CHN2: variants seen among roughly 807,000 people sequenced by gnomAD.
CHN2 encodes the protein chimerin 2.
Under a neutral mutation model 56.3 loss-of-function variants are expected in CHN2, and 35 were observed. That is an observed-to-expected ratio of 0.62 (90% CI 0.47 to 0.82). The LOEUF (loss-of-function observed/expected upper bound fraction) is 0.82. CHN2 is among the 40% of genes least tolerant of loss of function. The pLI is 0.00. For missense variants in CHN2, 491 were observed against 580.5 expected (o/e 0.85, Z 1.58); for synonymous variants, 210 against 212.8 (o/e 0.99, Z 0.12).
At chr7:29,275,998 C>T (rs965567391) in intron 1 of CHN2, among the ~76,000 whole-genome samples, 2 of 151,984 alleles carry the variant, frequency 1.3e-5, no homozygotes, top group African/African-American at 2.4e-5. Context: ...GCCCAAACCC[C>T]GCATTACCCA....
chr7:29,149,755 CT>C (rs1227395001), intron 2 of CHN2, among the ~76,000 whole-genome samples: 2 of 152,104 alleles, frequency 1.3e-5, no homozygotes, highest in African/African-American at 4.8e-5. Flanking sequence ...TGTTCCTTGG[CT>C]TGTGGCAGCA....
chr7:29,427,605 C>G (rs1322762342), intron 6 of CHN2, among the ~76,000 whole-genome samples: 2 of 150,642 alleles, frequency 1.3e-5, no homozygotes, highest in Non-Finnish European at 1.5e-5. Flanking sequence ...GGTTGCTACT[C>G]ATATATCTGT....
chr7:29,147,048 C>A lies in CHN2; in HGVS notation c.274+88C>A, dbSNP rs1584409412. On this transcript the variant is annotated intron_variant, in intron 2 of 6. Coordinates refer to the CHN2 transcript ENST00000439384. ...TCAGAGCCACCTGATGTGTTCTGTA[C>A]CATTATACCCATTTTGCAATTGGGG... is the stretch of plus-strand genomic sequence containing the variant. 4 of 1,501,904 alleles carry A rather than the reference C, an allele frequency of 2.7e-6. No individual in the cohort carries two copies. The East Asian group carries it at 7.4e-5, about 28-fold the overall frequency. 93.0% of individuals were successfully genotyped at this position (1,501,904 alleles called of 1,614,324 possible). A position where few individuals can be genotyped will look rare whatever the true frequency, so the allele number is the denominator to read the frequency against.
At chr7:29,391,067 T>TCC (rs995951018) in intron 3 of CHN2, among the ~76,000 whole-genome samples, 8 of 151,810 alleles carry the variant, frequency 5.3e-5, no homozygotes, top group African/African-American at 1.9e-4. Context: ...GATCCCAGCC[T>TCC]CTCTCTCTCT....
intron 1 of CHN2, among the ~76,000 whole-genome samples, chr7:29,325,041 G>A (rs1434009540): frequency 1.3e-5 from 2 of 152,222 alleles, no homozygotes; most frequent in East Asian, 3.9e-4. Flanking sequence ...TCAGGTTTGT[G>A]GATTGGGTTG....
chr7:29,212,238 G>A (rs1388799564), intron 1 of CHN2: 2 of 762,292 alleles, frequency 2.6e-6, no homozygotes, highest in Admixed American at 4.8e-5. Flanking sequence ...AAGTCTTAAA[G>A]CTGCCTTAAC....
chr7:29,328,369 G>T (rs894995047), intron 1 of CHN2, among the ~76,000 whole-genome samples: 1 of 151,990 alleles, frequency 6.6e-6, no homozygotes, highest in Non-Finnish European at 1.5e-5. Context: ...GTCTCAAGCC[G>T]ATGAATGGCC....
At chr7:29,418,685 A>T (rs1804025030) in intron 6 of CHN2, among the ~76,000 whole-genome samples, 1 of 152,138 alleles carries the variant, frequency 6.6e-6, no homozygotes, top group Non-Finnish European at 1.5e-5. Flanking sequence ...TCCAGGGGCT[A>T]AGCTCACTAA....
chr7:29,157,260 C>T (rs1794506617), intron 2 of CHN2, among the ~76,000 whole-genome samples: 1 of 152,126 alleles, frequency 6.6e-6, no homozygotes, highest in Non-Finnish European at 1.5e-5. Flanking sequence ...GACCCCTCCC[C>T]CACCCTGCTA....
At chr7:29,344,409 C>A (rs117053295) in intron 1 of CHN2, among the ~76,000 whole-genome samples, 2,289 of 152,242 alleles carry the variant, frequency 0.015, 38 homozygotes, top group Non-Finnish European at 0.023. Flanking sequence ...AATTATCTGG[C>A]CCCTACTTAC....
chr7:29,272,557 C>CT (rs981587870), intron 1 of CHN2, among the ~76,000 whole-genome samples: 2 of 151,858 alleles, frequency 1.3e-5, no homozygotes, highest in African/African-American at 2.4e-5. Flanking sequence ...GTCTATGGGG[C>CT]TGGAGGAGGA....
chr7:29,404,036 C>T (rs1351082975), intron 6 of CHN2, among the ~76,000 whole-genome samples: 5 of 152,264 alleles, frequency 3.3e-5, no homozygotes, highest in African/African-American at 9.6e-5. Context: ...GAAAGGCTCA[C>T]GGTGGCAGGG....
At chr7:29,382,669 C>A (rs1045654947) in intron 3 of CHN2, among the ~76,000 whole-genome samples, 2 of 152,194 alleles carry the variant, frequency 1.3e-5, no homozygotes, top group Non-Finnish European at 2.9e-5. Flanking sequence ...TAAAAGCCAA[C>A]AATCCCAATC....
chr7:29,380,559 G>C (rs1256680636), intron 3 of CHN2, among the ~76,000 whole-genome samples: 1 of 152,146 alleles, frequency 6.6e-6, no homozygotes, highest in Non-Finnish European at 1.5e-5. Flanking sequence ...ATTTCTAGGA[G>C]AGAGAGAAAA....
intron 2 of CHN2, among the ~76,000 whole-genome samples, chr7:29,366,956 GCTTAT>G (rs1188106105): frequency 6.6e-6 from 1 of 152,028 alleles, no homozygotes; most frequent in African/African-American, 2.4e-5. Context: ...AGAAAGTTTT[GCTTAT>G]CTTATTACAT....
chr7:29,313,924 G>GT (rs928321402), intron 1 of CHN2, among the ~76,000 whole-genome samples: 2 of 152,114 alleles, frequency 1.3e-5, no homozygotes, highest in Non-Finnish European at 2.9e-5. Context: ...TTCCTATTTG[G>GT]TTAGAGCCAT....
At chr7:29,187,106 A>G (rs1286980858) in intron 2 of CHN2, among the ~76,000 whole-genome samples, 1 of 152,210 alleles carries the variant, frequency 6.6e-6, no homozygotes, top group African/African-American at 2.4e-5. Context: ...TATATCACTA[A>G]TGGCAGAAAG....
chr7:29,148,858 G>A (rs1226727410), intron 2 of CHN2, among the ~76,000 whole-genome samples: 1 of 152,134 alleles, frequency 6.6e-6, no homozygotes, highest in African/African-American at 2.4e-5. Context: ...AAGTGTGTGT[G>A]TGGGGGAACA....
At chr7:29,366,842 TG>T (rs1263693973) in intron 2 of CHN2, among the ~76,000 whole-genome samples, 1 of 152,182 alleles carries the variant, frequency 6.6e-6, no homozygotes. Flanking sequence ...CCAAAGACAT[TG>T]GGGAGCCATA....
Sources: allele counts gnomAD v4.1 joint callset (sites outside exome capture counted in the v4.1 genomes callset), GRCh38; gene constraint gnomAD v4.1.1; transcripts MANE v1.5; gene names NCBI Gene and HGNC (gene_info 2026-07-23, HGNC 2026-07-21).